DIP2C: variants seen among roughly 807,000 people sequenced by gnomAD.
DIP2C encodes the protein disco-interacting protein 2 homolog C.
A neutral mutation model predicts 192.4 loss-of-function variants in DIP2C; 33 were observed. The ratio of observed to expected loss-of-function variants is 0.17; its 90% confidence interval spans 0.13 to 0.23. The LOEUF is 0.23. DIP2C is among the 10% of genes least tolerant of loss of function. The pLI, the probability that DIP2C is intolerant of heterozygous loss-of-function variation, is 1.00. For synonymous variants in DIP2C, 979 were observed against 864.1 expected, an observed-to-expected ratio of 1.13 and a Z score of -2.33; for missense variants, 1,537 against 2,110.1, an observed-to-expected ratio of 0.73 and a Z score of 5.32.
At chr10:593,227 G>A (rs1851503468) in intron 1 of DIP2C, among the ~76,000 whole-genome samples, 1 of 151,944 alleles carries the variant, frequency 6.6e-6, no homozygotes, top group Non-Finnish European at 1.5e-5. Context: ...CATCCCCCCG[G>A]GGTGGTCTCA....
At chr10:313,642 C>T (rs1173919768) in intron 31 of DIP2C, among the ~76,000 whole-genome samples, 1 of 152,228 alleles carries the variant, frequency 6.6e-6, no homozygotes, top group Non-Finnish European at 1.5e-5. Flanking sequence ...GCGCCATTTT[C>T]CAGCAGGGAC....
intron 10 of DIP2C, among the ~76,000 whole-genome samples, chr10:393,732 T>G (rs1266590149): frequency 4.3e-5 from 6 of 140,454 alleles, no homozygotes; most frequent in Non-Finnish European, 9.0e-5. Flanking sequence ...TGAGCAGAGA[T>G]TGCGTCACTG....
chr10:549,400 C>G (rs866117275), intron 1 of DIP2C, among the ~76,000 whole-genome samples: 1 of 152,144 alleles, frequency 6.6e-6, no homozygotes, highest in African/African-American at 2.4e-5. Flanking sequence ...GAAGATACAA[C>G]GCGTCCACAC....
At chr10:598,800 G>A (rs955724140) in intron 1 of DIP2C, among the ~76,000 whole-genome samples, 1 of 152,228 alleles carries the variant, frequency 6.6e-6, no homozygotes, top group Non-Finnish European at 1.5e-5. Flanking sequence ...CAGAAGGCCT[G>A]GCCCCAGCCC....
At chr10:464,604 T>C (rs972179602) in intron 3 of DIP2C, among the ~76,000 whole-genome samples, 9 of 152,192 alleles carry the variant, frequency 5.9e-5, no homozygotes, top group African/African-American at 2.2e-4. Flanking sequence ...AGAAATACCA[T>C]TTGATCAAGC....
intron 1 of DIP2C, among the ~76,000 whole-genome samples, chr10:688,880 GCGAACAATGGGGGT>G (rs1283342550): frequency 6.6e-6 from 1 of 151,430 alleles, no homozygotes; most frequent in African/African-American, 2.4e-5. Flanking sequence ...CGCAGCGCCC[GCGAACAATGGGGGT>G]GGGATCCCCC....
intron 1 of DIP2C, among the ~76,000 whole-genome samples, chr10:549,120 T>A (rs1848459636): frequency 6.6e-6 from 1 of 152,154 alleles, no homozygotes; most frequent in African/African-American, 2.4e-5. Context: ...CATCAAGGAA[T>A]CCCTACAAAT....
chr10:597,108 G>A (rs978971400), intron 1 of DIP2C, among the ~76,000 whole-genome samples: 6 of 152,330 alleles, frequency 3.9e-5, no homozygotes, highest in Admixed American at 1.3e-4. Flanking sequence ...CAGGGCTCCA[G>A]GGCTCGAGTA....
rs1331608910 is a variant in DIP2C at position 275,899 on chromosome 10, G to A, written c.*1426C>T. On this transcript the variant is annotated 3_prime_UTR_variant, in exon 37 of 37. Coordinates refer to ENST00000280886, the MANE Select transcript of DIP2C (RefSeq NM_014974.3). Reference sequence around the variant, plus strand: ...CTCTGGCATGAACCCCCGGGGAACTGTGCTCACTGAGCGAGGGAGCCCCAG... The same window carrying A: ...CTCTGGCATGAACCCCCGGGGAACTATGCTCACTGAGCGAGGGAGCCCCAG... The A allele has an allele frequency of 6.6e-6, 1 of 152,204 alleles. No homozygotes were observed. The highest frequency in any genetic ancestry group is 1.5e-5 in the Non-Finnish European group (1 of 68,046). The allele number at this position is 152,204 out of a possible 1,614,324, so 9.4% of individuals were successfully genotyped here. A position where few individuals can be genotyped will look rare whatever the true frequency, so the allele number is the denominator to read the frequency against.
At chr10:496,259 C>CCT (rs1445241887) in intron 1 of DIP2C, among the ~76,000 whole-genome samples, 1 of 150,774 alleles carries the variant, frequency 6.6e-6, no homozygotes, top group Non-Finnish European at 1.5e-5. Context: ...CAATGCATGC[C>CCT]CTCCCGTGTA....
intron 1 of DIP2C, chr10:667,476 C>G (rs962722000): frequency 6.6e-6 from 1 of 152,386 alleles, no homozygotes; most frequent in Non-Finnish European, 1.5e-5. Flanking sequence ...CACACACTGA[C>G]AACATGCAAC....
intron 1 of DIP2C, among the ~76,000 whole-genome samples, chr10:681,999 T>C (rs1831151934): frequency 1.3e-5 from 2 of 152,250 alleles, no homozygotes; most frequent in Admixed American, 6.5e-5. Context: ...GGCCTTCCAC[T>C]CTAAGTTCCA....
chr10:507,310 G>A (rs1463133296), intron 1 of DIP2C, among the ~76,000 whole-genome samples: 1 of 150,374 alleles, frequency 6.7e-6, no homozygotes, highest in Non-Finnish European at 1.5e-5. Flanking sequence ...GTCACCAGCT[G>A]CACACAATCA....
chr10:604,098 G>A (rs535274904), intron 1 of DIP2C, among the ~76,000 whole-genome samples: 7 of 138,326 alleles, frequency 5.1e-5, no homozygotes, highest in South Asian at 2.5e-4. Flanking sequence ...GCAGACCCTC[G>A]TACTCCCTCT....
intron 1 of DIP2C, among the ~76,000 whole-genome samples, chr10:603,222 CA>C (rs1344775439): frequency 2.2e-5 from 3 of 134,904 alleles, no homozygotes; most frequent in African/African-American, 5.6e-5. Context: ...CACTTGAGCA[CA>C]GGGGGGCGGG....
At chr10:339,032 G>A (rs971790862) in intron 29 of DIP2C, among the ~76,000 whole-genome samples, 14 of 151,936 alleles carry the variant, frequency 9.2e-5, no homozygotes, top group Admixed American at 5.9e-4. Context: ...GGCACCCTGC[G>A]CGGCTGCCCC....
intron 1 of DIP2C, among the ~76,000 whole-genome samples, chr10:598,042 T>G (rs868457666): frequency 9.8e-5 from 15 of 152,304 alleles, no homozygotes; most frequent in Admixed American, 6.5e-5. Context: ...TAGGAGGGCC[T>G]CCTCTAACCA....
At chr10:678,613 C>T (rs1348779772) in intron 1 of DIP2C, among the ~76,000 whole-genome samples, 1 of 143,284 alleles carries the variant, frequency 7.0e-6, no homozygotes, top group African/African-American at 2.7e-5. Flanking sequence ...TCGTGATCCC[C>T]GTGCCCATCT....
intron 24 of DIP2C, among the ~76,000 whole-genome samples, chr10:354,589 C>T (rs973217433): frequency 1.3e-5 from 2 of 152,198 alleles, no homozygotes; most frequent in Non-Finnish European, 2.9e-5. Flanking sequence ...TGGACACATG[C>T]TTGTGCAACC....
Sources: gnomAD v4.1 joint callset for allele counts (sites outside exome capture counted in the v4.1 genomes callset) on GRCh38, gnomAD v4.1.1 for gene constraint, MANE v1.5 for transcripts, NCBI Gene and HGNC (gene_info 2026-07-23, HGNC 2026-07-21) for gene names.